CDYL: variants seen among roughly 807,000 people sequenced by gnomAD.
CDYL encodes the protein chromodomain Y-like protein.
A neutral mutation model predicts 47.3 loss-of-function variants in CDYL; 8 were observed. The ratio of observed to expected loss-of-function variants is 0.17; its 90% CI spans 0.10 to 0.31. The LOEUF (loss-of-function observed/expected upper bound fraction) is 0.31, where lower values mean the gene tolerates loss of function less well. Ranked by LOEUF, CDYL falls within the 10% of genes least tolerant of loss-of-function variation. The pLI, the probability that CDYL is intolerant of heterozygous loss-of-function variation, is 1.00. For synonymous variants in CDYL, 266 were observed against 265.0 expected (o/e 1.00, Z -0.04); for missense variants, 471 against 701.4 (o/e 0.67, Z 3.71).
chr6:4,751,080 C>G (rs924129581), intron 3 of CDYL, among the ~76,000 whole-genome samples: 13 of 152,116 alleles, frequency 8.5e-5, no homozygotes, highest in African/African-American at 2.9e-4. Context: ...TGGTCTCGAT[C>G]TCCTGACCTC....
At chr6:4,928,184 A>G (rs191871657) in intron 2 of CDYL, among the ~76,000 whole-genome samples, 10 of 152,348 alleles carry the variant, frequency 6.6e-5, no homozygotes, top group Admixed American at 6.5e-4. Context: ...CTAGAATTCA[A>G]ATTGGGAAAG....
At chr6:4,770,822 T>G (rs1758327668) in intron 3 of CDYL, among the ~76,000 whole-genome samples, 1 of 152,220 alleles carries the variant, frequency 6.6e-6, no homozygotes, top group Non-Finnish European at 1.5e-5. Flanking sequence ...GCAATATCAT[T>G]CATAGATAAT....
intron 2 of CDYL, among the ~76,000 whole-genome samples, chr6:4,733,914 C>T (rs1026886607): frequency 6.8e-6 from 1 of 147,478 alleles, no homozygotes; most frequent in Admixed American, 6.9e-5. Flanking sequence ...TGCAATGGCA[C>T]AATCTCGTGT....
At chr6:4,759,929 GAAGAAAGAAAAGAA>G (rs1457751381) in intron 3 of CDYL, among the ~76,000 whole-genome samples, 1 of 50,072 alleles carries the variant, frequency 2.0e-5, no homozygotes, top group Non-Finnish European at 4.3e-5. Context: ...AAAAAAAGAA[GAAGAAAGAAAAGAA>G]AAGAAAGAAA....
upstream of CDYL, chr6:4,772,887 GT>G (rs918744807): frequency 2.9e-5 from 10 of 339,872 alleles, no homozygotes; most frequent in African/African-American, 1.9e-4. Context: ...GGCTTCTTTT[GT>G]TTTTTTCTGT....
chr6:4,755,833 A>G (rs957469202), intron 3 of CDYL, among the ~76,000 whole-genome samples: 1 of 152,122 alleles, frequency 6.6e-6, no homozygotes, highest in Non-Finnish European at 1.5e-5. Context: ...CAAAACTTGA[A>G]CTCAAGTGTC....
chr6:4,787,091 G>A (rs534071586), intron 1 of CDYL, among the ~76,000 whole-genome samples: 7 of 152,324 alleles, frequency 4.6e-5, no homozygotes, highest in African/African-American at 7.2e-5. Context: ...CCCCAGGCAC[G>A]TGAGGTAGAG....
chr6:4,822,822 G>A (rs115163460), intron 1 of CDYL, among the ~76,000 whole-genome samples: 4,047 of 152,304 alleles, frequency 0.027, 184 homozygotes, highest in African/African-American at 0.092. Context: ...ACCGTCCTGT[G>A]TTTTGTTGTT....
chr6:4,859,234 G>A (rs1170597327), intron 1 of CDYL, among the ~76,000 whole-genome samples: 1 of 152,068 alleles, frequency 6.6e-6, no homozygotes, highest in Non-Finnish European at 1.5e-5. Flanking sequence ...CCTATCCTTG[G>A]ATTACAACAG....
At chr6:4,837,705 C>T (rs1760363715) in intron 1 of CDYL, among the ~76,000 whole-genome samples, 1 of 151,894 alleles carries the variant, frequency 6.6e-6, no homozygotes, top group South Asian at 2.1e-4. Context: ...CCTCGTGATC[C>T]ACCCACCTCA....
chr6:4,791,710 GA>G (rs775103889), intron 1 of CDYL, among the ~76,000 whole-genome samples: 5,738 of 141,786 alleles, frequency 0.04, 128 homozygotes, highest in African/African-American at 0.069. Context: ...ATCAAAGAAA[GA>G]AAAAAAAAAA....
chr6:4,780,395 TACG>T (rs1758581543), intron 1 of CDYL, among the ~76,000 whole-genome samples: 2 of 11,728 alleles, frequency 1.7e-4, no homozygotes, highest in Non-Finnish European at 3.3e-4. Flanking sequence ...CACCCCCGCC[TACG>T]CCCCCCCCCC....
intron 1 of CDYL, among the ~76,000 whole-genome samples, chr6:4,781,516 T>A (rs1399369426): frequency 6.6e-6 from 1 of 152,238 alleles, no homozygotes; most frequent in Non-Finnish European, 1.5e-5. Context: ...TTGACAATAA[T>A]AGCCTATCTT....
intron 2 of CDYL, among the ~76,000 whole-genome samples, chr6:4,901,223 AC>A (rs1274978943): frequency 1.3e-5 from 2 of 152,128 alleles, no homozygotes; most frequent in Non-Finnish European, 2.9e-5. Flanking sequence ...CTCCTTTTGA[AC>A]TTTAACTGAT....
At chr6:4,852,451 T>TCTTC (rs529318531) in intron 1 of CDYL, among the ~76,000 whole-genome samples, 2,111 of 120,020 alleles carry the variant, frequency 0.018, 83 homozygotes, top group Non-Finnish European at 0.029. Flanking sequence ...TTCCTTCCAA[T>TCTTC]CTTCCTTCCT....
intron 2 of CDYL, among the ~76,000 whole-genome samples, chr6:4,922,371 C>G (rs1387378673): frequency 1.3e-5 from 2 of 152,202 alleles, no homozygotes; most frequent in Non-Finnish European, 2.9e-5. Context: ...AAAGAGTTAT[C>G]AATGCATGGG....
chr6:4,857,724 A>G (rs1305618079), intron 1 of CDYL, among the ~76,000 whole-genome samples: 1 of 152,208 alleles, frequency 6.6e-6, no homozygotes, highest in Non-Finnish European at 1.5e-5. Context: ...CTGTCATTGG[A>G]CATAAGAATA....
Position 4,955,467 on chromosome 6 carries a change from G to C in CDYL, c.*1411G>C, listed in dbSNP as rs186266794. The C allele has an allele frequency of 6.5e-6, 1 of 152,752 alleles. No homozygotes were observed. Among genetic ancestry groups the C allele is most frequent in the East Asian group, 1.9e-4 (1 of 5,192 alleles). 9.5% of individuals were successfully genotyped at this position (152,752 alleles called of 1,614,324 possible). A position where few individuals can be genotyped will look rare whatever the true frequency, so the allele number is the denominator to read the frequency against. ...CAGTAGTTTGAACTATATATAAACT[G>C]TACAATCTGTAAAGTTTTTATAGAA... is the stretch of plus-strand genomic sequence containing the variant. On this transcript the variant is annotated 3_prime_UTR_variant, in exon 7 of 7. Transcript: ENST00000397588.
At chr6:4,852,314 TCTTC>T (rs567284610) in intron 1 of CDYL, among the ~76,000 whole-genome samples, 258 of 151,350 alleles carry the variant, frequency 1.7e-3, no homozygotes, top group African/African-American at 5.3e-3. Flanking sequence ...GCAGGGCCAG[TCTTC>T]CTTCCTTCCT....
Sources: allele counts gnomAD v4.1 joint callset (sites outside exome capture counted in the v4.1 genomes callset), GRCh38; gene constraint gnomAD v4.1.1; transcripts MANE v1.5; gene names NCBI Gene and HGNC (gene_info 2026-07-23, HGNC 2026-07-21).